Variants in SNAP23 observed in about 807,000 individuals in gnomAD.
The protein encoded by SNAP23 is synaptosomal-associated protein 23.
SNAP23 carries 11 observed loss-of-function variants against 29.0 expected under a neutral mutation model. The ratio of observed to expected loss-of-function variants is 0.38; its 90% confidence interval spans 0.24 to 0.63. The LOEUF is 0.63. SNAP23 is among the 20% of genes least tolerant of loss of function. SNAP23 has a pLI of 0.58. For synonymous variants in SNAP23, 60 were observed against 82.9 expected (o/e 0.72, Z 1.50); for missense variants, 220 against 253.9 (o/e 0.87, Z 0.91).
At chr15:42,494,816 G>C (rs2057202687), upstream of SNAP23, among the ~76,000 whole-genome samples, 1 of 152,078 alleles carries the variant, frequency 6.6e-6, no homozygotes, top group Non-Finnish European at 1.5e-5. Context: ...ACTGTGCCTG[G>C]TGAAGCACTT....
intron 3 of SNAP23, 185 bp from the exon 4 acceptor site, chr15:42,513,214 G>A (rs1381615783): frequency 1.6e-5 from 12 of 750,238 alleles, no homozygotes; most frequent in Non-Finnish European, 2.4e-5. Flanking sequence ...CTATGAGTTT[G>A]TGACTTAATT....
intron 4 of SNAP23, among the ~76,000 whole-genome samples, 197 bp downstream of exon 4, chr15:42,513,644 A>C (rs1429908711): frequency 1.3e-5 from 2 of 152,214 alleles, no homozygotes; most frequent in Admixed American, 1.3e-4. Flanking sequence ...AACAATGCCC[A>C]ATTGTATATA....
intron 7 of SNAP23, among the ~76,000 whole-genome samples, chr15:42,530,768 G>T (rs960255487): frequency 4.6e-5 from 7 of 152,160 alleles, no homozygotes; most frequent in Admixed American, 4.6e-4. Context: ...AGGAAAAAAA[G>T]AAAGTCATAC....
chr15:42,522,095 T>G (rs2057453986), intron 5 of SNAP23: 1 of 153,258 alleles, frequency 6.5e-6, no homozygotes, highest in Non-Finnish European at 1.5e-5. Context: ...GTTTCCCTAC[T>G]TTTTTCTGGT....
At chr15:42,519,158 G>A (rs541909800) in intron 5 of SNAP23, among the ~76,000 whole-genome samples, 90 of 150,256 alleles carry the variant, frequency 6.0e-4, no homozygotes, top group Admixed American at 1.3e-3. Flanking sequence ...AGGTTCAACC[G>A]ATTCTCCTGC....
chr15:42,527,237 T>C (rs971416998), intron 5 of SNAP23, among the ~76,000 whole-genome samples: 1 of 152,214 alleles, frequency 6.6e-6, no homozygotes, highest in African/African-American at 2.4e-5. Flanking sequence ...ATTTGTCCGC[T>C]GATTGTCCAA....
In SNAP23 at chr15:42,530,225, C is replaced by T. The variant is rs553642554; in HGVS notation, c.570+406C>T. On this transcript the variant is annotated intron_variant, in intron 7 of 7. Coordinates refer to ENST00000249647, the MANE Select transcript of SNAP23 (RefSeq NM_003825.4). Reference sequence around the variant, plus strand: ...CTGCAGCCTGCCTCCTAGGCTAAAGCGTTCCTCCCACATCAGCCTATTTTG... The same window carrying T: ...CTGCAGCCTGCCTCCTAGGCTAAAGTGTTCCTCCCACATCAGCCTATTTTG... Among the ~76,000 whole-genome samples the T allele has an allele frequency of 3.9e-5, 6 of 152,226 alleles. 1 individual carries two copies. The South Asian group carries it at 1.2e-3, about 32-fold the overall frequency.
chr15:42,502,332 A>C (rs2057279140), intron 1 of SNAP23, among the ~76,000 whole-genome samples: 1 of 152,182 alleles, frequency 6.6e-6, no homozygotes, highest in African/African-American at 2.4e-5. Flanking sequence ...CAGAGTGCTT[A>C]TATTCGCTGT....
intron 5 of SNAP23, among the ~76,000 whole-genome samples, chr15:42,523,339 G>T (rs2057466547): frequency 6.6e-6 from 1 of 152,164 alleles, no homozygotes; most frequent in Non-Finnish European, 1.5e-5. Context: ...CAGAGGGGCT[G>T]TACATTTTAT....
chr15:42,503,024 G>A (rs1390124833), intron 1 of SNAP23, among the ~76,000 whole-genome samples: 5 of 152,092 alleles, frequency 3.3e-5, no homozygotes, highest in Non-Finnish European at 7.4e-5. Flanking sequence ...CCTGGGCTCA[G>A]GTGATCCTCC....
chr15:42,520,818 C>A (rs1417062515), intron 5 of SNAP23, among the ~76,000 whole-genome samples: 1 of 152,230 alleles, frequency 6.6e-6, no homozygotes, highest in Non-Finnish European at 1.5e-5. Flanking sequence ...ATAAGGTATT[C>A]TTCTGTCTTA....
chr15:42,515,037 A>G lies in SNAP23; in HGVS notation c.149-200A>G, dbSNP rs191503836. On this transcript the variant is annotated intron_variant, in intron 4 of 7. Coordinates refer to ENST00000249647, the MANE Select transcript of SNAP23 (RefSeq NM_003825.4). ...TTTTAGAACAAATTTTTCCACAGCA[A>G]GAGGCTAGGTGCCTCCGGATCAGTA... Among the ~76,000 whole-genome samples, 5 of 152,328 alleles carry G rather than the reference A, an allele frequency of 3.3e-5. No homozygotes were observed. In the East Asian group the frequency reaches 9.6e-4, roughly 29 times the overall value.
intron 4 of SNAP23, among the ~76,000 whole-genome samples, chr15:42,514,105 G>A (rs572318580): frequency 6.6e-5 from 10 of 150,858 alleles, no homozygotes; most frequent in Non-Finnish European, 1.2e-4. Flanking sequence ...GTGAGCCACC[G>A]TGCCGGGCCT....
At chr15:42,530,320 G>A (rs1225783371) in intron 7 of SNAP23, among the ~76,000 whole-genome samples, 3 of 152,152 alleles carry the variant, frequency 2.0e-5, no homozygotes, top group Admixed American at 2.0e-4. Flanking sequence ...AATCTGTTCT[G>A]CAGAATAGTT....
chr15:42,512,616 A>G (rs1280441826), intron 2 of SNAP23, among the ~76,000 whole-genome samples: 1 of 152,030 alleles, frequency 6.6e-6, no homozygotes, highest in Non-Finnish European at 1.5e-5. Context: ...TGACCTCGTG[A>G]TCCGCCCACC....
intron 1 of SNAP23, among the ~76,000 whole-genome samples, chr15:42,509,422 T>TGA (rs1250502563): frequency 6.6e-6 from 1 of 152,006 alleles, no homozygotes; most frequent in Admixed American, 6.6e-5. Context: ...ACTAATGGCT[T>TGA]TAATCAAGGC....
intron 5 of SNAP23, among the ~76,000 whole-genome samples, chr15:42,517,661 G>A (rs1450893703): frequency 6.6e-6 from 1 of 152,152 alleles, no homozygotes; most frequent in Non-Finnish European, 1.5e-5. Flanking sequence ...TCCTGAATCA[G>A]CATTCTTCAG....
chr15:42,514,930 G>A (rs2057386424), intron 4 of SNAP23, among the ~76,000 whole-genome samples: 1 of 151,966 alleles, frequency 6.6e-6, no homozygotes, highest in Non-Finnish European at 1.5e-5. Flanking sequence ...TTGAATTCCT[G>A]ACCTCAGGTC....
At chr15:42,527,516 G>C (rs2057515154) in intron 5 of SNAP23, among the ~76,000 whole-genome samples, 1 of 152,056 alleles carries the variant, frequency 6.6e-6, no homozygotes. Flanking sequence ...CTCTCGAGTA[G>C]CTGGGACCAC....
Sources: gnomAD v4.1 joint callset for allele counts (sites outside exome capture counted in the v4.1 genomes callset) on GRCh38, gnomAD v4.1.1 for gene constraint, MANE v1.5 for transcripts, NCBI Gene and HGNC (gene_info 2026-07-23, HGNC 2026-07-21) for gene names.